Variants in ABCC8 observed in about 807,000 individuals in gnomAD.
ABCC8 encodes the protein ATP-binding cassette sub-family C member 8.
ABCC8 carries 137 observed loss-of-function variants against 188.0 expected under a neutral mutation model. That is an observed-to-expected ratio of 0.73 (90% CI 0.63 to 0.84). The LOEUF (loss-of-function observed/expected upper bound fraction) is 0.84, where lower values mean the gene tolerates loss of function less well. Ranked by LOEUF, ABCC8 falls within the 40% of genes least tolerant of loss-of-function variation. ABCC8 has a pLI of 0.00. For synonymous variants in ABCC8, 797 were observed against 846.5 expected (o/e 0.94, Z 1.01); for missense variants, 1,750 against 2,072.7 (o/e 0.84, Z 3.02).
rs1191992595 is a variant in ABCC8 at position 17,416,943 on chromosome 11, C to G, written c.2242G>C (p.Gly748Arg). 1 of 1,613,978 alleles carries G rather than the reference C, an allele frequency of 6.2e-7. No individual in the cohort carries two copies. ...FWSSLPDSEI[G>R]EDPSPERETA... is the part of the protein sequence containing the mutation. ...CCAAGGCTGTACCTGGGGTCCTCTC[C>G]TATCTCGCTGTCAGGAAGGCTGCTG... is the stretch of plus-strand genomic sequence containing the variant. Residue 748 changes from glycine (G) to arginine (R), a missense_variant, in exon 17 of 39, where the codon GGA (glycine) becomes CGA (arginine). Coordinates refer to ENST00000389817, the MANE Select transcript of ABCC8 (RefSeq NM_000352.6).
rs760520781 is a variant in ABCC8, at chr11:17,427,099, TAGA to T, written c.2169_2171del (p.Leu724del). The stretch of plus-strand genomic sequence containing the variant: ...CCTTCTGCATCTCCCCCAGTGCGGC[TAGA>T]AGGAGCGAGGACTTGCCGCAGCCCA... On this transcript the variant is annotated inframe_deletion, in exon 16 of 39. Coordinates refer to ENST00000389817, the MANE Select transcript of ABCC8 (RefSeq NM_000352.6). The surrounding 1 kb of genome is among the most constrained non-coding windows in gnomAD (Gnocchi z 5.0). 1.2e-6 allele frequency: 2 copies of T among 1,613,972 alleles called. No homozygotes were observed. The highest frequency in any genetic ancestry group is 2.2e-5 in the East Asian group (1 of 44,858).
At chr11:17,443,447 G>T in intron 8 of ABCC8, 135 bp from the exon 9 acceptor site, 1 of 1,465,506 alleles carries the variant, frequency 6.8e-7, no homozygotes, top group Non-Finnish European at 9.3e-7. Context: ...TTATCTTGGG[G>T]AGTGGAGTGC....
rs752980376 is a variant in ABCC8 at position 17,461,777 on chromosome 11, G to A, written c.628C>T (p.Leu210=). ...TPREVKPPED[L]QDLGVRFLQP... ...AGGAAGCGTACCCCCAGGTCTTGCA[G>A]GTCCTCGGGAGGCTTCACCTCCCTC... is the stretch of plus-strand genomic sequence containing the variant. The change falls in exon 5 of 39, where the codon CTG becomes TTG. Residue 210 remains leucine (L), a synonymous_variant. Transcript: ENST00000389817. The A allele has an allele frequency of 1.2e-6, 2 of 1,614,072 alleles. No homozygotes were observed. Among genetic ancestry groups the A allele is most frequent in the South Asian group, 1.1e-5 (1 of 91,076 alleles).
intron 7 of ABCC8, among the ~76,000 whole-genome samples, chr11:17,450,403 CT>C (rs71885763): frequency 0.011 from 497 of 44,820 alleles, 18 homozygotes; most frequent in African/African-American, 0.03. Context: ...TCTTTCTTTC[CT>C]TTTTTTTTTT....
At chr11:17,455,281 C>T (rs145683274) in intron 6 of ABCC8, among the ~76,000 whole-genome samples, 4 of 152,248 alleles carry the variant, frequency 2.6e-5, no homozygotes, top group African/African-American at 7.2e-5. Context: ...GCCACACACA[C>T]GCTGTGTTAC....
Position 17,397,205 on chromosome 11 carries a change from C to T in ABCC8, c.3976G>A (p.Glu1326Lys), listed in dbSNP as rs200563930. ...CTGAGCCTCTCACCCAGGAGCCCCT[C>T]GTAGCTCTCTGCCTCGGTTTTCAGG... Reference protein sequence around the residue: ...GLLKTEAESYEGLLAPSLIPK... With the variant: ...GLLKTEAESYKGLLAPSLIPK... The change falls in exon 32 of 39, where the codon GAG (glutamate) becomes AAG (lysine). Residue 1326 changes from glutamate (E) to lysine (K), a missense_variant. Glu to Lys is a moderately conservative substitution (Grantham distance 56). Coordinates refer to ENST00000389817, the MANE Select transcript of ABCC8 (RefSeq NM_000352.6). 4.6e-5 allele frequency: 74 copies of T among 1,613,736 alleles called. No homozygotes were observed. The East Asian group carries it at 1.3e-3, about 29-fold the overall frequency.
At chr11:17,468,145 G>A (rs4148602) in intron 3 of ABCC8, among the ~76,000 whole-genome samples, 49,189 of 151,944 alleles carry the variant, frequency 0.32, 7,996 homozygotes, top group Middle Eastern at 0.46. Flanking sequence ...TCATGTGGGG[G>A]CCCCTGGGCT....
At chr11:17,474,831 T>G (rs1489955611) in intron 2 of ABCC8, 55 bp downstream of exon 2, 3 of 1,591,110 alleles carry the variant, frequency 1.9e-6, no homozygotes, top group Admixed American at 3.3e-5. Context: ...CTTGGGCCTT[T>G]CAGGAAGTAC....
At position 17,410,662 on chromosome 11, in the gene ABCC8, A is replaced by C; in HGVS notation, c.2557-9T>G. ...GCTGAGAAGGGGTCATCCTGGGCAGAAGGGAGAGGAAGAGAGTAGAGGGTA... is the reference window on the plus strand; with the variant it reads ...GCTGAGAAGGGGTCATCCTGGGCAGCAGGGAGAGGAAGAGAGTAGAGGGTA... On this transcript the variant is annotated splice_polypyrimidine_tract_variant and intron_variant, in intron 21 of 38. Transcript: ENST00000389817. 6.2e-7 allele frequency: 1 copy of C among 1,613,924 alleles called. No homozygotes were observed. Among genetic ancestry groups the C allele is most frequent in the Non-Finnish European group, 8.5e-7 (1 of 1,179,872 alleles).
chr11:17,469,336 G>A (rs936471416), intron 3 of ABCC8, among the ~76,000 whole-genome samples: 47 of 151,714 alleles, frequency 3.1e-4, no homozygotes, highest in Admixed American at 3.0e-3. Context: ...CGGGTGATCC[G>A]CCCACCTCGG....
intron 23 of ABCC8, 78 bp downstream of exon 23, chr11:17,408,314 A>C: frequency 7.1e-7 from 1 of 1,413,740 alleles, no homozygotes; most frequent in Non-Finnish European, 9.8e-7. Flanking sequence ...TAAGGACAGG[A>C]AGACCTTTAT....
At chr11:17,469,076 TCCCTCCC>T (rs2133707022) in intron 3 of ABCC8, among the ~76,000 whole-genome samples, 1 of 105,494 alleles carries the variant, frequency 9.5e-6, no homozygotes, top group East Asian at 3.1e-4. Flanking sequence ...CTCCCTTCCC[TCCCTCCC>T]TCCTTCCTTC....
chr11:17,461,928 T>G (rs1957208959), intron 4 of ABCC8, 103 bp from the exon 5 acceptor site: 1 of 1,554,394 alleles, frequency 6.4e-7, no homozygotes, highest in East Asian at 2.3e-5. Flanking sequence ...ACACTTGATC[T>G]CTAACAGATG....
In ABCC8 at chr11:17,460,642, G is replaced by A; in HGVS notation, c.857C>T (p.Ala286Val). The A allele has an allele frequency of 6.2e-7, 1 of 1,611,448 alleles. No individual in the cohort carries two copies. The highest frequency in any genetic ancestry group is 1.3e-5 in the African/African-American group (1 of 75,046). ...KDIQGTQGAR[A>V]IWQALSHAFG... ...GGCATGGCTGAGTGCCTGCCAGATG[G>A]CCCGGGCACCTTGAGTGCCCTGAAT... Residue 286 changes from alanine to valine, a missense_variant, in exon 6 of 39, where the codon GCC becomes GTC. Physicochemically the swap from Ala to Val is moderately conservative, Grantham distance 64 (BLOSUM62 0). Transcript: ENST00000389817.
intron 16 of ABCC8, among the ~76,000 whole-genome samples, chr11:17,417,846 C>G (rs1287719524): frequency 1.3e-5 from 2 of 152,038 alleles, no homozygotes; most frequent in Admixed American, 6.6e-5. Context: ...ACCTCCTGGG[C>G]TCAAGCGATC....
intron 29 of ABCC8, among the ~76,000 whole-genome samples, chr11:17,399,346 A>T (rs1007805769): frequency 1.3e-5 from 2 of 150,684 alleles, no homozygotes; most frequent in African/African-American, 4.9e-5. Context: ...TGCTTATAGG[A>T]TGAAGAACCC....
At position 17,415,188 on chromosome 11, in the gene ABCC8, C is replaced by T. The variant is rs938952853; in HGVS notation, c.2291+116G>A. 4.1e-6 allele frequency: 6 copies of T among 1,460,600 alleles called. No individual in the cohort carries two copies. In the African/African-American group the frequency reaches 7.0e-5, roughly 17 times the overall value. The allele number at this position is 1,460,600 out of a possible 1,614,324, so 90.5% of individuals were successfully genotyped here. A position where few individuals can be genotyped will look rare whatever the true frequency, so the allele number is the denominator to read the frequency against. ...AGCACAGGGGCCCTCCCTGGCCTCCCCCAACACTGGGGCTGGGGTCTGGGG... is the reference window on the plus strand; with the variant it reads ...AGCACAGGGGCCCTCCCTGGCCTCCTCCAACACTGGGGCTGGGGTCTGGGG... On this transcript the variant is annotated intron_variant, in intron 18 of 38. Transcript: ENST00000389817.
chr11:17,450,318 CTT>C lies in ABCC8; in HGVS notation c.1177-1649_1177-1648del, dbSNP rs1402564008. ...TCTTTCTTTCTTTCTTTCTTTCTTTCTTTCTTTCTCTCTCTCTCTTTCCTTTC... is the reference window on the plus strand; with the variant it reads ...TCTTTCTTTCTTTCTTTCTTTCTTTCTCTTTCTCTCTCTCTCTTTCCTTTC... On this transcript the variant is annotated intron_variant, in intron 7 of 38. Coordinates refer to ENST00000389817, the MANE Select transcript of ABCC8 (RefSeq NM_000352.6). 8.2e-4 allele frequency among the ~76,000 whole-genome samples: 94 copies of C among 114,060 alleles called. 1 individual carries two copies. The highest frequency in any genetic ancestry group is 7.6e-3 in the East Asian group (31 of 4,084). The allele number at this position is 114,060 out of a possible 152,430, so 74.8% of individuals were successfully genotyped here. A position where few individuals can be genotyped will look rare whatever the true frequency, so the allele number is the denominator to read the frequency against.
At chr11:17,457,032 C>T (rs1476292719) in intron 6 of ABCC8, among the ~76,000 whole-genome samples, 2 of 152,108 alleles carry the variant, frequency 1.3e-5, no homozygotes, top group Non-Finnish European at 2.9e-5. Flanking sequence ...CTAATTCAAC[C>T]AGGTGAAGGC....
Sources: gnomAD v4.1 joint callset for allele counts (sites outside exome capture counted in the v4.1 genomes callset) on GRCh38, gnomAD v4.1.1 for gene constraint, Gnocchi (gnomAD v3.1) non-coding constraint, MANE v1.5 for transcripts, NCBI Gene and HGNC (gene_info 2026-07-23, HGNC 2026-07-21) for gene names.